Variants in ST3GAL4 observed in about 807,000 individuals in gnomAD.
ST3GAL4 encodes ST3 beta-galactoside alpha-2,3-sialyltransferase 4, also known as CMP-N-acetylneuraminate-beta-galactosamide-alpha-2,3-sialyltransferase 4.
In ST3GAL4, 24 loss-of-function variants were observed where a neutral mutation model predicts 42.6. The ratio of observed to expected loss-of-function variants is 0.56; its 90% CI spans 0.41 to 0.79. ST3GAL4 has a LOEUF of 0.79. ST3GAL4 is among the 30% of genes least tolerant of loss of function. The pLI is 0.00. For missense variants in ST3GAL4, 311 were observed against 430.8 expected, an observed-to-expected ratio of 0.72 and a Z score of 2.46; for synonymous variants, 135 against 163.2, an observed-to-expected ratio of 0.83 and a Z score of 1.32.
At chr11:126,358,343 GA>G in intron 1 of ST3GAL4, 1 of 309,120 alleles carries the variant, frequency 3.2e-6, no homozygotes, top group Non-Finnish European at 6.8e-6. Context: ...TTGCCGGGAG[GA>G]AATGGTGAGT....
In ST3GAL4 at chr11:126,406,929, T is replaced by G. The variant is rs1044449326; in HGVS notation, c.102-14T>G. On this transcript the variant is annotated splice_polypyrimidine_tract_variant and intron_variant, in intron 3 of 10. Coordinates refer to ENST00000444328, the MANE Select transcript of ST3GAL4 (RefSeq NM_001254757.2). The surrounding 1 kb of genome is among the most constrained non-coding windows in gnomAD (Gnocchi z 5.4). Reference sequence around the variant, plus strand: ...TGACTGGGGCTTCTGCCTCCTGTCCTTTTTTCTCTCCAGTTTTTATTTTCC... The same window carrying G: ...TGACTGGGGCTTCTGCCTCCTGTCCGTTTTTCTCTCCAGTTTTTATTTTCC... The G allele has an allele frequency of 4.3e-6, 7 of 1,613,038 alleles. No homozygotes were observed. The highest frequency in any genetic ancestry group is 5.9e-6 in the Non-Finnish European group (7 of 1,179,258).
At chr11:126,364,109 G>T (rs1051923113) in intron 1 of ST3GAL4, among the ~76,000 whole-genome samples, 1 of 152,250 alleles carries the variant, frequency 6.6e-6, no homozygotes, top group African/African-American at 2.4e-5. Flanking sequence ...CCTGCCCGGA[G>T]TCCCAACCCT....
intron 1 of ST3GAL4, among the ~76,000 whole-genome samples, chr11:126,388,781 T>TC (rs1953347373): frequency 7.0e-6 from 1 of 143,300 alleles, no homozygotes; most frequent in Non-Finnish European, 1.5e-5. Flanking sequence ...TTTTTTTTTT[T>TC]TTTTTTTGAG....
intron 1 of ST3GAL4, among the ~76,000 whole-genome samples, chr11:126,389,585 A>G (rs190965751): frequency 4.7e-4 from 71 of 152,196 alleles, no homozygotes; most frequent in African/African-American, 1.6e-3. Context: ...TTTATTTAAG[A>G]TAGGATCTTG....
At position 126,384,772 on chromosome 11, in the gene ST3GAL4, A is replaced by C; in HGVS notation, c.-60-21324A>C. ...TGGGTGAATCTGAGTCGAGGGCAGG[A>C]CAGAGTGGGAGTGGCAGTGCCTCTG... On this transcript the variant is annotated intron_variant, in intron 1 of 10. Coordinates refer to ENST00000444328, the MANE Select transcript of ST3GAL4 (RefSeq NM_001254757.2). This position sits in a 1 kb window ranked among gnomAD's most constrained non-coding sequence, Gnocchi z 5.5. 1 of 985,374 alleles carries C rather than the reference A, an allele frequency of 1.0e-6. No homozygotes were observed. Among genetic ancestry groups the C allele is most frequent in the Non-Finnish European group, 1.2e-6 (1 of 829,910 alleles). 61.0% of individuals were successfully genotyped at this position (985,374 alleles called of 1,614,324 possible).
intron 1 of ST3GAL4, chr11:126,403,449 G>A: frequency 1.0e-6 from 1 of 985,406 alleles, no homozygotes; most frequent in Non-Finnish European, 1.2e-6. Flanking sequence ...TCTTTGTAGT[G>A]TTTCCCGCCC....
chr11:126,356,587 T>C (rs1340643215), intron 1 of ST3GAL4, among the ~76,000 whole-genome samples: 1 of 152,244 alleles, frequency 6.6e-6, no homozygotes, highest in Non-Finnish European at 1.5e-5. Flanking sequence ...CCTGACCTAC[T>C]GTGGCTGCTT....
At chr11:126,402,134 A>G (rs1436849309) in intron 1 of ST3GAL4, among the ~76,000 whole-genome samples, 2 of 151,336 alleles carry the variant, frequency 1.3e-5, no homozygotes, top group African/African-American at 2.4e-5. Flanking sequence ...GCAGGCAGAC[A>G]GGGGCTCCAG....
chr11:126,394,289 A>C (rs1953642379), intron 1 of ST3GAL4, among the ~76,000 whole-genome samples: 1 of 152,186 alleles, frequency 6.6e-6, no homozygotes, highest in South Asian at 2.1e-4. Flanking sequence ...AGGTCCACAC[A>C]GGCCCTGGAT....
At position 126,359,664 on chromosome 11, in the gene ST3GAL4, A is replaced by C. The variant is rs1474142240; in HGVS notation, c.-61+3822A>C. On this transcript the variant is annotated intron_variant, in intron 1 of 10. Coordinates refer to ENST00000444328, the MANE Select transcript of ST3GAL4 (RefSeq NM_001254757.2). This position sits in a 1 kb window ranked among gnomAD's most constrained non-coding sequence, Gnocchi z 4.8. ...GAACCCCACATCCCGGCCGGGCCGT[A>C]CCCTGAGCACACGCTTGTCCGCTTT... is the stretch of plus-strand genomic sequence containing the variant. Among the ~76,000 whole-genome samples, 1 of 152,178 alleles carries C rather than the reference A, an allele frequency of 6.6e-6. No homozygotes were observed.
In ST3GAL4 at chr11:126,407,349, G is replaced by A. The variant is rs768819683; in HGVS notation, c.280G>A (p.Glu94Lys). Residue 94 changes from glutamate to lysine, a missense_variant and splice_region_variant, in exon 5 of 11, where the codon GAG becomes AAG. Physicochemically the swap from Glu to Lys is moderately conservative, Grantham distance 56 (BLOSUM62 1). Transcript: ENST00000444328. ...YELPYGTKGS[E>K]DLLLRVLAIT... ...GCTGCCCTATGGGACCAAGGGGAGT[G>A]GTAAGTTCCTACCCGGCTCGTGGGA... 2.5e-6 allele frequency: 4 copies of A among 1,613,960 alleles called. No individual in the cohort carries two copies. In the South Asian group the frequency reaches 4.4e-5, roughly 18 times the overall value.
At chr11:126,401,094 C>A (rs1462933000) in intron 1 of ST3GAL4, among the ~76,000 whole-genome samples, 2 of 151,938 alleles carry the variant, frequency 1.3e-5, no homozygotes, top group Non-Finnish European at 2.9e-5. Flanking sequence ...TTAAGATCAT[C>A]CAGCTAGAAA....
At chr11:126,408,858 C>A (rs913926113) in intron 8 of ST3GAL4, 2 of 407,038 alleles carry the variant, frequency 4.9e-6, no homozygotes, top group African/African-American at 3.9e-5. Flanking sequence ...AGCAATGAGG[C>A]CTGTGTCCAA....
At position 126,398,655 on chromosome 11, in the gene ST3GAL4, T is replaced by G. The variant is rs1003090816; in HGVS notation, c.-60-7441T>G. ...CCTACAGGGGCTCCCTGGTGGTGGC[T>G]CTGACCCTGCAACCAGTCTCTGCCT... On this transcript the variant is annotated intron_variant, in intron 1 of 10. Transcript: ENST00000444328. The surrounding 1 kb of genome is among the most constrained non-coding windows in gnomAD (Gnocchi z 4.7). Among the ~76,000 whole-genome samples the G allele has an allele frequency of 3.9e-5, 6 of 152,230 alleles. No individual in the cohort carries two copies. Among genetic ancestry groups the G allele is most frequent in the Admixed American group, 3.9e-4 (6 of 15,290 alleles).
At chr11:126,371,163 CTT>C (rs551443393) in intron 1 of ST3GAL4, among the ~76,000 whole-genome samples, 28 of 59,960 alleles carry the variant, frequency 4.7e-4, no homozygotes, top group African/African-American at 5.6e-4. Context: ...CCCCACATTC[CTT>C]TTTTTTTTTT....
chr11:126,390,464 T>G (rs1953453698), intron 1 of ST3GAL4, among the ~76,000 whole-genome samples: 1 of 152,186 alleles, frequency 6.6e-6, no homozygotes, highest in Non-Finnish European at 1.5e-5. Flanking sequence ...AGTGCTCTTC[T>G]AAGCCTTTGT....
chr11:126,384,557 T>G lies in ST3GAL4; in HGVS notation c.-60-21539T>G, dbSNP rs1953140901. Among the ~76,000 whole-genome samples, 1 of 151,988 alleles carries G rather than the reference T, an allele frequency of 6.6e-6. No individual in the cohort carries two copies. Among genetic ancestry groups the G allele is most frequent in the African/African-American group, 2.4e-5 (1 of 41,388 alleles). On this transcript the variant is annotated intron_variant, in intron 1 of 10. Transcript: ENST00000444328. This position sits in a 1 kb window ranked among gnomAD's most constrained non-coding sequence, Gnocchi z 5.5. ...CCATGGACAGGAGGCTGGTGTCTGG[T>G]CAGGCTGAGGGATCCGTGTGCCAGC...
chr11:126,394,778 G>T (rs1953667747), intron 1 of ST3GAL4, among the ~76,000 whole-genome samples: 1 of 138,854 alleles, frequency 7.2e-6, no homozygotes, highest in Admixed American at 7.7e-5. Context: ...TGATAAACGG[G>T]TGATACAATG....
At position 126,386,277 on chromosome 11, in the gene ST3GAL4, T is replaced by C. The variant is rs1459587334; in HGVS notation, c.-60-19819T>C. ...TCTCCACCATTTCCTGTTTGCCGTG[T>C]GTCTGTGCCCCCCAAGGATGAATGC... On this transcript the variant is annotated intron_variant, in intron 1 of 10. Coordinates refer to ENST00000444328, the MANE Select transcript of ST3GAL4 (RefSeq NM_001254757.2). This position sits in a 1 kb window ranked among gnomAD's most constrained non-coding sequence, Gnocchi z 4.7. Among the ~76,000 whole-genome samples the C allele has an allele frequency of 6.6e-6, 1 of 152,154 alleles. No homozygotes were observed. Among genetic ancestry groups the C allele is most frequent in the Non-Finnish European group, 1.5e-5 (1 of 68,026 alleles).
Sources: gnomAD v4.1 joint callset for allele counts (sites outside exome capture counted in the v4.1 genomes callset) on GRCh38, gnomAD v4.1.1 for gene constraint, Gnocchi (gnomAD v3.1) non-coding constraint, MANE v1.5 for transcripts, NCBI Gene and HGNC (gene_info 2026-07-23, HGNC 2026-07-21) for gene names.